Variants in CYP2C18 observed in about 807,000 individuals in gnomAD.
CYP2C18 encodes cytochrome P450 family 2 subfamily C member 18.
A neutral mutation model predicts 41.3 loss-of-function variants in CYP2C18; 38 were observed. The observed-to-expected ratio is 0.92, with a 90% confidence interval of 0.71 to 1.21. The LOEUF is 1.21. Ranked by LOEUF, CYP2C18 falls within the 50% of genes most tolerant of loss-of-function variation. CYP2C18 has a pLI of 0.00. For missense variants in CYP2C18, 635 were observed against 591.4 expected (o/e 1.07, Z -0.77); for synonymous variants, 236 against 210.0 (o/e 1.12, Z -1.07).
chr10:94,686,085 T>A (rs1846882350), intron 1 of CYP2C18, among the ~76,000 whole-genome samples: 1 of 152,134 alleles, frequency 6.6e-6, no homozygotes, highest in Non-Finnish European at 1.5e-5. Flanking sequence ...GATTTGTAGT[T>A]TTCAGTATAT....
chr10:94,734,966 G>A (rs1847894488), intron 8 of CYP2C18, among the ~76,000 whole-genome samples: 1 of 152,120 alleles, frequency 6.6e-6, no homozygotes, highest in African/African-American at 2.4e-5. Context: ...AAAGACTGAT[G>A]GAAACTTGTA....
intron 7 of CYP2C18, among the ~76,000 whole-genome samples, chr10:94,733,000 G>A (rs1456119408): frequency 6.6e-6 from 1 of 151,808 alleles, no homozygotes; most frequent in Non-Finnish European, 1.5e-5. Context: ...AGCAGCAAGT[G>A]GGGATGTACA....
chr10:94,695,324 G>T (rs1411698384), intron 4 of CYP2C18, among the ~76,000 whole-genome samples: 1 of 151,958 alleles, frequency 6.6e-6, no homozygotes, highest in African/African-American at 2.4e-5. Context: ...CCTGGTGTGT[G>T]ATGTTCCCCT....
At position 94,733,426 on chromosome 10, in the gene CYP2C18, C is replaced by T. The variant is rs751412527; in HGVS notation, c.1279C>T (p.Pro427Ser). The part of the protein sequence containing the change: ...GNFKKSDYFM[P>S]FSAGKRMCMG... ...CTTTAAGAAAAGTGACTACTTCATG[C>T]CTTTCTCAGCAGGTAATAGATATTC... The change falls in exon 8 of 9, where the codon CCT becomes TCT. Residue 427 changes from proline (P) to serine (S), a missense_variant. Transcript: ENST00000285979. 1 of 1,613,238 alleles carries T rather than the reference C, an allele frequency of 6.2e-7. No individual in the cohort carries two copies. Among genetic ancestry groups the T allele is most frequent in the South Asian group, 1.1e-5 (1 of 91,028 alleles).
intron 7 of CYP2C18, among the ~76,000 whole-genome samples, chr10:94,727,342 T>C (rs1847757343): frequency 6.6e-6 from 1 of 152,154 alleles, no homozygotes; most frequent in African/African-American, 2.4e-5. Flanking sequence ...AGGCCAGGTG[T>C]GGAGATTCCC....
At chr10:94,698,124 A>T (rs533553852) in intron 4 of CYP2C18, among the ~76,000 whole-genome samples, 1 of 152,220 alleles carries the variant, frequency 6.6e-6, no homozygotes, top group Non-Finnish European at 1.5e-5. Flanking sequence ...CTCTGCACCA[A>T]GCAGACCTAA....
chr10:94,719,060 G>C (rs1589803743), intron 5 of CYP2C18, among the ~76,000 whole-genome samples: 1 of 152,226 alleles, frequency 6.6e-6, no homozygotes, highest in East Asian at 1.9e-4. Context: ...ACAGGGAATT[G>C]ATCTGTGAAT....
At chr10:94,694,326 ATCT>A (rs1847072827) in intron 3 of CYP2C18, among the ~76,000 whole-genome samples, 1 of 152,192 alleles carries the variant, frequency 6.6e-6, no homozygotes, top group Admixed American at 6.6e-5. Context: ...AAACCAATCT[ATCT>A]TCTTATTTGT....
intron 7 of CYP2C18, among the ~76,000 whole-genome samples, chr10:94,724,781 AG>A (rs200422022): frequency 0.19 from 559 of 2,958 alleles, 4 homozygotes; most frequent in Non-Finnish European, 0.37. Flanking sequence ...GGCTATTCTC[AG>A]GTTGTTTACA....
At chr10:94,719,529 T>C (rs1420011294) in intron 5 of CYP2C18, among the ~76,000 whole-genome samples, 2 of 151,880 alleles carry the variant, frequency 1.3e-5, no homozygotes, top group Non-Finnish European at 2.9e-5. Flanking sequence ...CAGCCTCCCA[T>C]GTAGCTGGGA....
intron 6 of CYP2C18, among the ~76,000 whole-genome samples, chr10:94,721,800 A>G (rs377131210): frequency 1.3e-3 from 205 of 152,272 alleles, no homozygotes; most frequent in African/African-American, 4.2e-3. Flanking sequence ...TCGTTCTTTT[A>G]CATGGCTGAG....
chr10:94,723,306 G>T (rs1847677623), intron 6 of CYP2C18, among the ~76,000 whole-genome samples: 1 of 152,142 alleles, frequency 6.6e-6, no homozygotes, highest in South Asian at 2.1e-4. Flanking sequence ...GAAGTGTCAG[G>T]GAGGCTGCTG....
At chr10:94,723,661 G>A (rs1847684840) in intron 6 of CYP2C18, among the ~76,000 whole-genome samples, 1 of 152,066 alleles carries the variant, frequency 6.6e-6, no homozygotes, top group Non-Finnish European at 1.5e-5. Flanking sequence ...ACTAGAGTGG[G>A]GGAAGTGTGA....
At chr10:94,713,611 T>C (rs1406380843) in intron 5 of CYP2C18, among the ~76,000 whole-genome samples, 1 of 152,214 alleles carries the variant, frequency 6.6e-6, no homozygotes, top group African/African-American at 2.4e-5. Flanking sequence ...TCCAAGTCTT[T>C]GTTATTGTGA....
At chr10:94,708,362 G>A (rs7085890) in intron 5 of CYP2C18, among the ~76,000 whole-genome samples, 1 of 151,964 alleles carries the variant, frequency 6.6e-6, no homozygotes, top group African/African-American at 2.4e-5. Flanking sequence ...GACACTGCCA[G>A]AAAAATGACA....
intron 3 of CYP2C18, 45 bp from the exon 4 acceptor site, chr10:94,694,872 A>T: frequency 6.3e-7 from 1 of 1,576,038 alleles, no homozygotes; most frequent in Non-Finnish European, 8.6e-7. Flanking sequence ...AAAGTATTTT[A>T]TATGTATATT....
chr10:94,726,215 A>G (rs1479055663), intron 7 of CYP2C18, among the ~76,000 whole-genome samples: 2 of 151,570 alleles, frequency 1.3e-5, no homozygotes, highest in Admixed American at 6.6e-5. Flanking sequence ...TTTTTTTATT[A>G]TACTTTAAGT....
intron 5 of CYP2C18, among the ~76,000 whole-genome samples, chr10:94,714,575 C>G (rs1456357501): frequency 6.6e-6 from 1 of 152,194 alleles, no homozygotes; most frequent in African/African-American, 2.4e-5. Context: ...GTTTTGGTTA[C>G]TGTAGCCTTG....
intron 3 of CYP2C18, among the ~76,000 whole-genome samples, chr10:94,694,025 T>C (rs1417893576): frequency 6.6e-6 from 1 of 152,170 alleles, no homozygotes; most frequent in African/African-American, 2.4e-5. Flanking sequence ...ATGATGGAAT[T>C]ACCTAAATGA....
Sources: allele counts gnomAD v4.1 joint callset (sites outside exome capture counted in the v4.1 genomes callset), GRCh38; gene constraint gnomAD v4.1.1; transcripts MANE v1.5; gene names NCBI Gene and HGNC (gene_info 2026-07-23, HGNC 2026-07-21).